Variants in SV2C observed in about 807,000 individuals in gnomAD.
SV2C encodes synaptic vesicle glycoprotein 2C, also known as solute carrier family 22 member B3.
Under a neutral mutation model 79.7 loss-of-function variants are expected in SV2C, and 49 were observed. The observed-to-expected ratio is 0.61, with a 90% CI of 0.49 to 0.78. The LOEUF (loss-of-function observed/expected upper bound fraction) is 0.78, where lower values mean the gene tolerates loss of function less well. SV2C is among the 30% of genes least tolerant of loss of function. The probability of loss-of-function intolerance (pLI) is 0.00; values close to 1 mark genes in which losing one functional copy is unlikely to be tolerated. For synonymous variants in SV2C, 334 were observed against 333.2 expected (o/e 1.00, Z -0.03); for missense variants, 833 against 912.9 (o/e 0.91, Z 1.13).
intron 2 of SV2C, among the ~76,000 whole-genome samples, chr5:76,147,151 A>G (rs1354525072): frequency 6.6e-6 from 1 of 152,260 alleles, no homozygotes; most frequent in African/African-American, 2.4e-5. Context: ...GGCTGACAGC[A>G]TTGTGAATGT....
the SV2C span, among the ~76,000 whole-genome samples, chr5:75,982,905 C>T: frequency 6.6e-6 from 1 of 152,108 alleles, no homozygotes; most frequent in Non-Finnish European, 1.5e-5. Context: ...TAAGTGGGAG[C>T]TGAATGATGA....
rs534440574 is a variant in SV2C at position 76,315,415 on chromosome 5, C to A, written c.2001-9949C>A. On this transcript the variant is annotated intron_variant, in intron 12 of 12. Coordinates refer to ENST00000502798, the MANE Select transcript of SV2C (RefSeq NM_014979.4). ...GTCTATTACAAAAATCGACTTCCAA[C>A]ATATTTGGAAGATCTCAGGAAATCT... 1.2e-4 allele frequency among the ~76,000 whole-genome samples: 19 copies of A among 152,150 alleles called. No homozygotes were observed. The South Asian group carries it at 3.9e-3, about 32-fold the overall frequency.
At chr5:75,857,265 T>A in the SV2C span, among the ~76,000 whole-genome samples, 2 of 152,064 alleles carry the variant, frequency 1.3e-5, no homozygotes, top group Admixed American at 1.3e-4. Context: ...CCGTCTTTAA[T>A]CCATTTTGAT....
intron 4 of SV2C, among the ~76,000 whole-genome samples, chr5:76,276,779 G>T (rs1747036793): frequency 6.7e-6 from 1 of 150,054 alleles, no homozygotes; most frequent in Admixed American, 6.7e-5. Flanking sequence ...ATGTTACCCA[G>T]TCTGGTCTCA....
chr5:76,131,091 C>T (rs1002391586), intron 1 of SV2C, among the ~76,000 whole-genome samples: 1 of 152,046 alleles, frequency 6.6e-6, no homozygotes, highest in Non-Finnish European at 1.5e-5. Context: ...GTCTCTGTTA[C>T]CATTTGTTGG....
At chr5:76,224,709 CT>C in intron 4 of SV2C, among the ~76,000 whole-genome samples, 1 of 152,176 alleles carries the variant, frequency 6.6e-6, no homozygotes. Flanking sequence ...AATCCTTTTT[CT>C]TCCATATCTA....
intron 12 of SV2C, among the ~76,000 whole-genome samples, chr5:76,344,451 G>A (rs1382335161): frequency 6.6e-6 from 1 of 152,242 alleles, no homozygotes; most frequent in Non-Finnish European, 1.5e-5. Context: ...GCTCACGCCT[G>A]TAATCCCAAC....
chr5:76,261,256 T>C (rs1165460893), intron 4 of SV2C, among the ~76,000 whole-genome samples: 1 of 152,114 alleles, frequency 6.6e-6, no homozygotes, highest in African/African-American at 2.4e-5. Flanking sequence ...CTGTTGTTGG[T>C]GTATAGGAAT....
Position 76,141,685 on chromosome 5 carries a change from G to A in SV2C, c.580+9355G>A, listed in dbSNP as rs189937316. 2.5e-3 allele frequency among the ~76,000 whole-genome samples: 374 copies of A among 151,810 alleles called. 2 individuals carry two copies. The highest frequency in any genetic ancestry group is 6.3e-3 in the African/African-American group (260 of 41,422). On this transcript the variant is annotated intron_variant, in intron 2 of 12. Transcript: ENST00000502798. ...CTAAAAATACAAAAATTAGCCAGGC[G>A]TGGTGGTATGTGCCTGTAGTCCCAG...
chr5:76,351,762 G>A (rs2112592689), intron 12 of SV2C, among the ~76,000 whole-genome samples: 1 of 152,266 alleles, frequency 6.6e-6, no homozygotes, highest in East Asian at 1.9e-4. Flanking sequence ...TGCTGTAATA[G>A]CTCCAACTAT....
At chr5:76,128,856 A>T (rs1748791694) in intron 1 of SV2C, among the ~76,000 whole-genome samples, 1 of 152,218 alleles carries the variant, frequency 6.6e-6, no homozygotes, top group Non-Finnish European at 1.5e-5. Flanking sequence ...GGACCTTCTT[A>T]TAGGCCACAC....
In SV2C at chr5:76,333,716, A is replaced by G. The variant is rs769092295; in HGVS notation, c.*8169A>G. The G allele has an allele frequency of 2.6e-5, 4 of 152,118 alleles. No individual in the cohort carries two copies. The highest frequency in any genetic ancestry group is 4.4e-5 in the Non-Finnish European group (3 of 68,042). The allele number at this position is 152,118 out of a possible 1,614,324, so 9.4% of individuals were successfully genotyped here. A position where few individuals can be genotyped will look rare whatever the true frequency, so the allele number is the denominator to read the frequency against. On this transcript the variant is annotated 3_prime_UTR_variant, in exon 13 of 13. Coordinates refer to ENST00000502798, the MANE Select transcript of SV2C (RefSeq NM_014979.4). ...TATGCTCCTCTGTGTCTGATTTCCA[A>G]TTGCCAAAATGTTTGACCAAATGTG...
intron 4 of SV2C, among the ~76,000 whole-genome samples, chr5:76,218,042 A>G (rs1424040168): frequency 6.6e-6 from 1 of 152,208 alleles, no homozygotes; most frequent in East Asian, 1.9e-4. Flanking sequence ...TCGCAGCACC[A>G]AGATGTCAGA....
At chr5:76,053,968 G>T in the SV2C span, among the ~76,000 whole-genome samples, 3 of 151,934 alleles carry the variant, frequency 2.0e-5, no homozygotes, top group South Asian at 6.2e-4. Flanking sequence ...GTTAAAGTAA[G>T]TTTGTTGTTG....
At chr5:75,886,444 G>A in the SV2C span, among the ~76,000 whole-genome samples, 1 of 152,086 alleles carries the variant, frequency 6.6e-6, no homozygotes, top group South Asian at 2.1e-4. Flanking sequence ...GACCCTGCCT[G>A]GGGCAGCTTC....
At chr5:75,996,134 T>C in the SV2C span, among the ~76,000 whole-genome samples, 1 of 152,202 alleles carries the variant, frequency 6.6e-6, no homozygotes, top group Admixed American at 6.5e-5. Context: ...CATGTAAGTC[T>C]TTAATCCATC....
chr5:76,285,726 C>T, intron 5 of SV2C, 55 bp from the exon 6 acceptor site: 1 of 1,473,200 alleles, frequency 6.8e-7, no homozygotes, highest in Non-Finnish European at 9.4e-7. Flanking sequence ...ATTGGAAAAT[C>T]AGGGAGGGTA....
intron 4 of SV2C, among the ~76,000 whole-genome samples, chr5:76,239,495 G>A (rs563729451): frequency 1.3e-5 from 2 of 152,282 alleles, no homozygotes; most frequent in South Asian, 2.1e-4. Context: ...TGTCTCTGCC[G>A]CATGATACCT....
chr5:76,315,428 T>C (rs1748589917), intron 12 of SV2C, among the ~76,000 whole-genome samples: 1 of 152,192 alleles, frequency 6.6e-6, no homozygotes, highest in African/African-American at 2.4e-5. Context: ...ATTTGGAAGA[T>C]CTCAGGAAAT....
Sources: allele counts gnomAD v4.1 joint callset (sites outside exome capture counted in the v4.1 genomes callset), GRCh38; gene constraint gnomAD v4.1.1; transcripts MANE v1.5; gene names NCBI Gene and HGNC (gene_info 2026-07-23, HGNC 2026-07-21).